MAP3K1: variants seen among roughly 807,000 people sequenced by gnomAD.
The protein encoded by MAP3K1 is MAP/ERK kinase kinase 1.
Under a neutral mutation model 144.2 loss-of-function variants are expected in MAP3K1, and 36 were observed. The ratio of observed to expected loss-of-function variants is 0.25; its 90% CI spans 0.19 to 0.33. The LOEUF (loss-of-function observed/expected upper bound fraction) is 0.33. Ranked by LOEUF, MAP3K1 falls within the 10% of genes least tolerant of loss-of-function variation. The pLI is 1.00. For missense variants in MAP3K1, 1,650 were observed against 1,881.9 expected (o/e 0.88, Z 2.28); for synonymous variants, 718 against 688.7 (o/e 1.04, Z -0.67).
intron 19 of MAP3K1, among the ~76,000 whole-genome samples, chr5:56,892,980 A>AAAAG: frequency 6.6e-6 from 1 of 152,008 alleles, no homozygotes; most frequent in South Asian, 2.1e-4. Flanking sequence ...TTTTTTTAAA[A>AAAAG]AAAAAGTATT....
At chr5:56,857,212 C>T (rs1747368566) in intron 2 of MAP3K1, among the ~76,000 whole-genome samples, 2 of 152,028 alleles carry the variant, frequency 1.3e-5, no homozygotes, top group South Asian at 4.1e-4. Flanking sequence ...TGCGTTTCTC[C>T]AACTTTGTTA....
At chr5:56,863,906 AC>A (rs914125446) in intron 3 of MAP3K1, among the ~76,000 whole-genome samples, 4 of 152,034 alleles carry the variant, frequency 2.6e-5, no homozygotes, top group African/African-American at 4.8e-5. Flanking sequence ...TATTATCCTC[AC>A]CCTAGGAGCG....
At chr5:56,869,992 T>C in intron 6 of MAP3K1, among the ~76,000 whole-genome samples, 1 of 152,318 alleles carries the variant, frequency 6.6e-6, no homozygotes, top group African/African-American at 2.4e-5. Flanking sequence ...TTTGCTGACT[T>C]GTTTGACTAG....
chr5:56,892,988 A>C (rs1425315350), intron 19 of MAP3K1, among the ~76,000 whole-genome samples: 1 of 151,284 alleles, frequency 6.6e-6, no homozygotes, highest in African/African-American at 2.5e-5. Flanking sequence ...AAAAAAAAGT[A>C]TTCAGACTTA....
At chr5:56,816,447 C>G (rs1745972044) in intron 1 of MAP3K1, among the ~76,000 whole-genome samples, 1 of 151,732 alleles carries the variant, frequency 6.6e-6, no homozygotes, top group African/African-American at 2.4e-5. Context: ...GTCCCCGGGG[C>G]AAAGGCACTG....
intron 1 of MAP3K1, among the ~76,000 whole-genome samples, chr5:56,848,102 CA>C (rs11399910): frequency 6.5e-4 from 98 of 150,458 alleles, no homozygotes; most frequent in African/African-American, 1.1e-3. Flanking sequence ...TAATTGACTG[CA>C]AAAAAAAAAT....
chr5:56,850,216 T>C (rs543915693), intron 1 of MAP3K1, among the ~76,000 whole-genome samples: 18 of 152,334 alleles, frequency 1.2e-4, no homozygotes, highest in African/African-American at 3.6e-4. Flanking sequence ...CTTATGAGTT[T>C]GGTAGTGTGT....
chr5:56,817,180 A>G, intron 1 of MAP3K1: 1 of 811,506 alleles, frequency 1.2e-6, no homozygotes, highest in Non-Finnish European at 1.5e-6. Context: ...TTTATGTTAA[A>G]GGAAATTCTT....
In MAP3K1 at chr5:56,864,726, T is replaced by A. The variant is rs748303899; in HGVS notation, c.835-8T>A. ...GAAACGTACCTAATAAAAAAAAATG[T>A]TGTGAAGTTTCAGAGTGGCAGAATC... On this transcript the variant is annotated splice_polypyrimidine_tract_variant and splice_region_variant and intron_variant, in intron 3 of 19. Transcript: ENST00000399503. The A allele has an allele frequency of 6.2e-7, 1 of 1,613,910 alleles. No homozygotes were observed. The highest frequency in any genetic ancestry group is 8.5e-7 in the Non-Finnish European group (1 of 1,179,866).
In MAP3K1 at chr5:56,815,966, G is replaced by T. The variant is rs1229828594; in HGVS notation, c.393G>T (p.Pro131=). The change falls in exon 1 of 20, where the codon CCG becomes CCT. Residue 131 remains proline, a synonymous_variant. Transcript: ENST00000399503. ...GAHLTESVAA[P]DSGASSPAAA... ...ACCTTACCGAGTCGGTGGCGGCGCC[G>T]GACAGCGGCGCCTCGAGTCCCGCAG... The T allele has an allele frequency of 1.6e-6, 2 of 1,257,242 alleles. No individual in the cohort carries two copies. Among genetic ancestry groups the T allele is most frequent in the Non-Finnish European group, 2.0e-6 (2 of 1,002,548 alleles). 77.9% of individuals were successfully genotyped at this position (1,257,242 alleles called of 1,614,324 possible).
At chr5:56,863,144 CCTTTG>C (rs781384289) in intron 3 of MAP3K1, among the ~76,000 whole-genome samples, 5 of 152,156 alleles carry the variant, frequency 3.3e-5, no homozygotes, top group African/African-American at 7.2e-5. Flanking sequence ...TCAGCTGATT[CCTTTG>C]CTTTGCTTTG....
At position 56,883,474 on chromosome 5, in the gene MAP3K1, C is replaced by T. The variant is rs1748288390; in HGVS notation, c.3667-53C>T. 4 of 1,567,104 alleles carry T rather than the reference C, an allele frequency of 2.6e-6. No individual in the cohort carries two copies. In the South Asian group the frequency reaches 4.5e-5, roughly 17 times the overall value. ...AGAATAATATCTTGCAGACTAATTT[C>T]ACAAAATCTTACTCCTTTAACAGTA... On this transcript the variant is annotated intron_variant, in intron 14 of 19. Coordinates refer to ENST00000399503, the MANE Select transcript of MAP3K1 (RefSeq NM_005921.2).
In MAP3K1 at chr5:56,887,398, A is replaced by G. The variant is rs962080651; in HGVS notation, c.4135A>G (p.Ser1379Gly). The change falls in exon 18 of 20, where the codon AGC becomes GGC. Residue 1379 changes from serine (S) to glycine (G), a missense_variant. By Grantham distance (56) the Ser-to-Gly change is moderately conservative. Transcript: ENST00000399503. ...GACAGGTGCCAATTTGCTAATTGAC[A>G]GCACTGGTCAGAGACTAAGAATTGC... ...DVKGANLLID[S>G]TGQRLRIADF... 1 of 1,614,198 alleles carries G rather than the reference A, an allele frequency of 6.2e-7. No homozygotes were observed. Among genetic ancestry groups the G allele is most frequent in the African/African-American group, 1.3e-5 (1 of 75,068 alleles).
intron 3 of MAP3K1, among the ~76,000 whole-genome samples, chr5:56,860,860 AAAAG>A (rs1300395977): frequency 9.0e-5 from 12 of 132,726 alleles, no homozygotes; most frequent in African/African-American, 2.5e-4. Context: ...TCTCAAAAAA[AAAAG>A]AAAAAAAGAA....
At chr5:56,816,492 C>T (rs983100250) in intron 1 of MAP3K1, among the ~76,000 whole-genome samples, 12 of 151,386 alleles carry the variant, frequency 7.9e-5, no homozygotes, top group African/African-American at 2.7e-4. Flanking sequence ...GGGCGGTGGT[C>T]GGAAGAGGGG....
intron 1 of MAP3K1, among the ~76,000 whole-genome samples, chr5:56,819,955 A>C (rs561674722): frequency 6.6e-6 from 1 of 152,348 alleles, no homozygotes; most frequent in South Asian, 2.1e-4. Flanking sequence ...ATCATGAAAG[A>C]AATAATCAGG....
At chr5:56,819,454 T>C (rs1746086465) in intron 1 of MAP3K1, among the ~76,000 whole-genome samples, 1 of 151,898 alleles carries the variant, frequency 6.6e-6, no homozygotes, top group South Asian at 2.1e-4. Context: ...AAAAACCAGC[T>C]ACAGCTTGCC....
At chr5:56,830,294 A>C (rs549448472) in intron 1 of MAP3K1, among the ~76,000 whole-genome samples, 1 of 151,964 alleles carries the variant, frequency 6.6e-6, no homozygotes, top group African/African-American at 2.4e-5. Context: ...ATTAGTAGAC[A>C]TTTCTTATCT....
rs1748686925 is a variant in MAP3K1, at chr5:56,895,872, C to G, written c.*2192C>G. 4.4e-6 allele frequency: 1 copy of G among 229,326 alleles called. No individual in the cohort carries two copies. Among genetic ancestry groups the G allele is most frequent in the Admixed American group, 5.7e-5 (1 of 17,570 alleles). 14.2% of individuals were successfully genotyped at this position (229,326 alleles called of 1,614,324 possible). Reference sequence around the variant, plus strand: ...TATAGATTTTTCTTCTACCAAAGTTCACTTTCACAATGAAATTATATTTGC... The same window carrying G: ...TATAGATTTTTCTTCTACCAAAGTTGACTTTCACAATGAAATTATATTTGC... On this transcript the variant is annotated 3_prime_UTR_variant, in exon 20 of 20. Coordinates refer to ENST00000399503, the MANE Select transcript of MAP3K1 (RefSeq NM_005921.2).
Sources: allele counts gnomAD v4.1 joint callset (sites outside exome capture counted in the v4.1 genomes callset), GRCh38; gene constraint gnomAD v4.1.1; transcripts MANE v1.5; gene names NCBI Gene and HGNC (gene_info 2026-07-23, HGNC 2026-07-21).